Variants in BAIAP2 observed in about 807,000 individuals in gnomAD.
The protein encoded by BAIAP2 is BAR/IMD domain-containing adapter protein 2.
In BAIAP2, 18 loss-of-function variants were observed where a neutral mutation model predicts 63.0. The observed-to-expected ratio is 0.29, with a 90% CI of 0.20 to 0.42. The LOEUF (loss-of-function observed/expected upper bound fraction) is 0.42. Among genes scored for constraint, BAIAP2 ranks in the 10% least tolerant of loss-of-function variants. The pLI is 1.00. For synonymous variants in BAIAP2, 386 were observed against 307.6 expected (o/e 1.25, Z -2.67); for missense variants, 610 against 734.3 (o/e 0.83, Z 1.96).
intron 2 of BAIAP2, among the ~76,000 whole-genome samples, chr17:81,057,171 G>A (rs538219196): frequency 5.0e-4 from 76 of 152,338 alleles, no homozygotes; most frequent in Non-Finnish European, 1.0e-3. Flanking sequence ...GGAGGTCAGG[G>A]CGGGGCTCCC....
chr17:81,064,365 TG>T (rs1218712809), intron 3 of BAIAP2, among the ~76,000 whole-genome samples: 2 of 152,200 alleles, frequency 1.3e-5, no homozygotes, highest in Non-Finnish European at 2.9e-5. Flanking sequence ...AGGATTCGGC[TG>T]CACTGACTCC....
intron 13 of BAIAP2, chr17:81,110,920 T>C: frequency 1.2e-6 from 2 of 1,613,900 alleles, no homozygotes; most frequent in East Asian, 2.2e-5. Context: ...GCAGCGCCGA[T>C]GTGGAAGTGG....
In BAIAP2 at chr17:81,074,875, G is replaced by A. The variant is rs537859512; in HGVS notation, c.218-9957G>A. On this transcript the variant is annotated intron_variant, in intron 3 of 13. Transcript: ENST00000428708. ...TGAAGCGATTGTGGCAAAGCACACCGCCAGGGAACCTCGGCGAAGTGAATG... is the reference window on the plus strand; with the variant it reads ...TGAAGCGATTGTGGCAAAGCACACCACCAGGGAACCTCGGCGAAGTGAATG... Among the ~76,000 whole-genome samples, 5 of 152,342 alleles carry A rather than the reference G, an allele frequency of 3.3e-5. No individual in the cohort carries two copies. In the South Asian group the frequency reaches 6.2e-4, roughly 19 times the overall value.
chr17:81,116,178 C>G lies in BAIAP2; in HGVS notation c.*339C>G. On this transcript the variant is annotated 3_prime_UTR_variant, in exon 14 of 14. Coordinates refer to ENST00000428708, the MANE Select transcript of BAIAP2 (RefSeq NM_001144888.2). Reference sequence around the variant, plus strand: ...GCCAGCTGGTGGCTGGGAGGGGAGCCTGGCTGCCCTGCTGCTTCTCCTGCC... The same window carrying G: ...GCCAGCTGGTGGCTGGGAGGGGAGCGTGGCTGCCCTGCTGCTTCTCCTGCC... 1 of 1,606,294 alleles carries G rather than the reference C, an allele frequency of 6.2e-7. No individual in the cohort carries two copies. Among genetic ancestry groups the G allele is most frequent in the Non-Finnish European group, 8.5e-7 (1 of 1,175,782 alleles).
rs756848734 is a variant in BAIAP2, at chr17:81,086,448, G to T, written c.357G>T (p.Ala119=). Residue 119 remains alanine (A), a synonymous_variant, in exon 6 of 14, where the codon GCG becomes GCT. Coordinates refer to ENST00000428708, the MANE Select transcript of BAIAP2 (RefSeq NM_001144888.2). The part of the protein sequence containing the change: ...VELDSRYLSA[A]LKKYQTEQRS... ...TTTTATTGTTTGAATCTCAGGCTGCGCTGAAGAAATACCAGACTGAGCAAA... is the reference window on the plus strand; with the variant it reads ...TTTTATTGTTTGAATCTCAGGCTGCTCTGAAGAAATACCAGACTGAGCAAA... The T allele has an allele frequency of 2.5e-6, 4 of 1,613,800 alleles. No individual in the cohort carries two copies. The African/African-American group carries it at 5.3e-5, about 22-fold the overall frequency.
intron 7 of BAIAP2, among the ~76,000 whole-genome samples, chr17:81,101,013 T>C (rs2058409035): frequency 6.6e-6 from 1 of 152,164 alleles, no homozygotes; most frequent in Admixed American, 6.5e-5. Flanking sequence ...CTTGGGCCGG[T>C]AGACTCTTGG....
intron 9 of BAIAP2, 138 bp downstream of exon 9, chr17:81,104,246 G>A: frequency 2.0e-6 from 2 of 1,001,954 alleles, no homozygotes; most frequent in Non-Finnish European, 1.5e-6. Flanking sequence ...CTACATGCAT[G>A]TGGTACACAC....
At chr17:81,077,332 C>T (rs1270399383) in intron 3 of BAIAP2, among the ~76,000 whole-genome samples, 1 of 152,040 alleles carries the variant, frequency 6.6e-6, no homozygotes, top group Non-Finnish European at 1.5e-5. Flanking sequence ...TTTGGGAGGA[C>T]GGGGTGGGTG....
chr17:81,039,781 C>T (rs979229870), intron 1 of BAIAP2, among the ~76,000 whole-genome samples: 1 of 152,154 alleles, frequency 6.6e-6, no homozygotes. Flanking sequence ...TGGCTACAGG[C>T]ACCATGGGCT....
intron 3 of BAIAP2, among the ~76,000 whole-genome samples, chr17:81,061,410 C>CT (rs150253164): frequency 0.015 from 2,215 of 152,332 alleles, 50 homozygotes; most frequent in African/African-American, 0.05. Flanking sequence ...ACTTGTCCGT[C>CT]TCTCGAAGAG....
rs906958746 is a variant in BAIAP2, at chr17:81,036,842, A to G, written c.54+1534A>G. 8.5e-6 allele frequency: 13 copies of G among 1,527,136 alleles called. No individual in the cohort carries two copies. The African/African-American group carries it at 1.6e-4, about 19-fold the overall frequency. The allele number at this position is 1,527,136 out of a possible 1,614,324, so 94.6% of individuals were successfully genotyped here. A position where few individuals can be genotyped will look rare whatever the true frequency, so the allele number is the denominator to read the frequency against. The stretch of plus-strand genomic sequence containing the variant: ...TAAATTATTAGTCATTAGCTCCATT[A>G]CGACTTGTTTGTGATTGCAGAGGGT... On this transcript the variant is annotated intron_variant, in intron 1 of 13. Transcript: ENST00000428708.
At position 81,116,979 on chromosome 17, in the gene BAIAP2, GGACA is replaced by G. The variant is rs1035761153; in HGVS notation, c.*1149_*1152del. The G allele has an allele frequency of 3.3e-5, 5 of 152,574 alleles. No homozygotes were observed. Among genetic ancestry groups the G allele is most frequent in the South Asian group, 2.1e-4 (1 of 4,836 alleles). The allele number at this position is 152,574 out of a possible 1,614,324, so 9.5% of individuals were successfully genotyped here. A position where few individuals can be genotyped will look rare whatever the true frequency, so the allele number is the denominator to read the frequency against. On this transcript the variant is annotated 3_prime_UTR_variant, in exon 14 of 14. Coordinates refer to ENST00000428708, the MANE Select transcript of BAIAP2 (RefSeq NM_001144888.2). Reference sequence around the variant, plus strand: ...CCTCCGCCTTCCACCCTGGGCCCAGGGACAGACAGACATTGCCCTCAGAAGGGCA... The same window carrying G: ...CCTCCGCCTTCCACCCTGGGCCCAGGGACAGACATTGCCCTCAGAAGGGCA...
At chr17:81,104,454 C>T (rs2058886529) in intron 9 of BAIAP2, 60 bp from the exon 10 acceptor site, 1 of 1,521,376 alleles carries the variant, frequency 6.6e-7, no homozygotes, top group Non-Finnish European at 8.8e-7. Flanking sequence ...ACCAGACTCC[C>T]TGGGCTTTGC....
intron 6 of BAIAP2, among the ~76,000 whole-genome samples, chr17:81,095,661 A>G (rs2057493408): frequency 6.6e-6 from 1 of 152,044 alleles, no homozygotes; most frequent in Admixed American, 6.5e-5. Context: ...GGGGCTGGCC[A>G]TCCCTGCCTT....
chr17:81,114,101 A>G (rs1245474430), intron 13 of BAIAP2, among the ~76,000 whole-genome samples: 2 of 146,792 alleles, frequency 1.4e-5, no homozygotes, highest in Non-Finnish European at 3.0e-5. Flanking sequence ...TGGAGCTGGG[A>G]CCACAGGCAT....
intron 6 of BAIAP2, chr17:81,087,907 T>TG (rs1382879433): frequency 1.3e-5 from 2 of 152,028 alleles, no homozygotes; most frequent in African/African-American, 4.8e-5. Context: ...GCTGCCATCA[T>TG]GGGTCTTTCT....
chr17:81,104,395 AGCCCACTTACCC>A, intron 9 of BAIAP2, 107 bp from the exon 10 acceptor site: 1 of 1,155,822 alleles, frequency 8.7e-7, no homozygotes, highest in Admixed American at 2.2e-5. Flanking sequence ...GAGCTTAGCC[AGCCCACTTACCC>A]ACCTGGGGCA....
At chr17:81,114,592 G>A (rs2060303230) in intron 13 of BAIAP2, among the ~76,000 whole-genome samples, 1 of 152,200 alleles carries the variant, frequency 6.6e-6, no homozygotes, top group Non-Finnish European at 1.5e-5. Flanking sequence ...GGGAGTCTGG[G>A]AGCCTTCCGC....
intron 1 of BAIAP2, among the ~76,000 whole-genome samples, chr17:81,045,295 C>CA (rs1233558485): frequency 2.0e-5 from 3 of 152,194 alleles, no homozygotes; most frequent in Admixed American, 6.5e-5. Context: ...GAAAGGGAAG[C>CA]AGGGCCCCAG....
Sources: allele counts gnomAD v4.1 joint callset (sites outside exome capture counted in the v4.1 genomes callset), GRCh38; gene constraint gnomAD v4.1.1; transcripts MANE v1.5; gene names NCBI Gene and HGNC (gene_info 2026-07-23, HGNC 2026-07-21).